Variants in PDE4D observed in about 807,000 individuals in gnomAD.
PDE4D encodes phosphodiesterase 4D, also known as 3',5'-cyclic-AMP phosphodiesterase 4D.
In PDE4D, 24 loss-of-function variants were observed where a neutral mutation model predicts 87.4. The ratio of observed to expected loss-of-function variants is 0.27; its 90% CI spans 0.20 to 0.39. The LOEUF (loss-of-function observed/expected upper bound fraction) is 0.39. Ranked by LOEUF, PDE4D falls within the 10% of genes least tolerant of loss-of-function variation. The probability of loss-of-function intolerance (pLI) is 1.00; values close to 1 mark genes in which losing one functional copy is unlikely to be tolerated. For missense variants in PDE4D, 714 were observed against 1,041.0 expected (o/e 0.69, Z 4.32); for synonymous variants, 384 against 383.2 (o/e 1.00, Z -0.02).
intron 1 of PDE4D, among the ~76,000 whole-genome samples, chr5:59,257,790 G>A (rs1236743033): frequency 6.6e-6 from 1 of 152,004 alleles, no homozygotes. Flanking sequence ...GTAAAGAGAA[G>A]GGATTTACAG....
intron 1 of PDE4D, among the ~76,000 whole-genome samples, chr5:60,398,232 C>T (rs1000655659): frequency 1.3e-5 from 2 of 152,138 alleles, no homozygotes; most frequent in Admixed American, 1.3e-4. Flanking sequence ...TTGAAGAAGG[C>T]CATAGCTGTA....
intron 5 of PDE4D, among the ~76,000 whole-genome samples, chr5:59,138,977 A>G (rs1321062515): frequency 6.6e-6 from 1 of 152,200 alleles, no homozygotes; most frequent in Non-Finnish European, 1.5e-5. Flanking sequence ...TCAAGGGGCA[A>G]GTAGGTACCC....
intron 1 of PDE4D, among the ~76,000 whole-genome samples, chr5:60,422,034 T>A (rs1281165909): frequency 6.6e-6 from 1 of 152,146 alleles, no homozygotes; most frequent in Non-Finnish European, 1.5e-5. Flanking sequence ...CCAAGAAATA[T>A]GGGACTATGT....
intron 1 of PDE4D, among the ~76,000 whole-genome samples, chr5:60,335,468 G>C (rs778854300): frequency 6.6e-6 from 1 of 152,130 alleles, no homozygotes; most frequent in African/African-American, 2.4e-5. Context: ...TGGCTCTTGG[G>C]TCCTTGAGAA....
intron 5 of PDE4D, among the ~76,000 whole-genome samples, chr5:59,141,742 C>T (rs1239641429): frequency 6.6e-6 from 1 of 152,202 alleles, no homozygotes; most frequent in African/African-American, 2.4e-5. Flanking sequence ...TTGTGGACAT[C>T]GGCAGGCAGC....
chr5:60,318,651 C>T (rs1755883528), intron 1 of PDE4D, among the ~76,000 whole-genome samples: 1 of 152,072 alleles, frequency 6.6e-6, no homozygotes, highest in Non-Finnish European at 1.5e-5. Context: ...TTTAGTGCTT[C>T]CTTCAGGAGC....
At chr5:60,118,914 C>T (rs1778414333) in intron 2 of PDE4D, among the ~76,000 whole-genome samples, 1 of 152,072 alleles carries the variant, frequency 6.6e-6, no homozygotes, top group South Asian at 2.1e-4. Flanking sequence ...CTGATACACA[C>T]TAAAGTTGGA....
At chr5:59,099,915 C>T (rs936202846) in intron 5 of PDE4D, among the ~76,000 whole-genome samples, 2 of 152,204 alleles carry the variant, frequency 1.3e-5, no homozygotes, top group Admixed American at 6.5e-5. Context: ...TCCTTCAGCA[C>T]TTTGAGATAC....
chr5:60,137,933 C>A (rs1026800351), intron 2 of PDE4D, among the ~76,000 whole-genome samples: 1 of 151,900 alleles, frequency 6.6e-6, no homozygotes, highest in Admixed American at 6.6e-5. Flanking sequence ...ATATTGAATT[C>A]TTTAATCTAC....
At chr5:59,631,317 C>A (rs1364423315) in intron 1 of PDE4D, among the ~76,000 whole-genome samples, 1 of 152,198 alleles carries the variant, frequency 6.6e-6, no homozygotes, top group Non-Finnish European at 1.5e-5. Context: ...TTAACTATTT[C>A]TTCTCTTATC....
intron 1 of PDE4D, among the ~76,000 whole-genome samples, chr5:59,299,870 G>A (rs181531348): frequency 6.6e-6 from 1 of 152,268 alleles, no homozygotes. Context: ...AGCACTTTGG[G>A]AGGCCGAGGT....
At chr5:59,443,186 T>A (rs952245355) in intron 1 of PDE4D, among the ~76,000 whole-genome samples, 38 of 152,158 alleles carry the variant, frequency 2.5e-4, no homozygotes, top group Admixed American at 1.3e-3. Context: ...GTAAAATCAA[T>A]GCTCGCATGA....
intron 1 of PDE4D, among the ~76,000 whole-genome samples, chr5:59,428,327 A>G (rs535928802): frequency 2.8e-4 from 43 of 151,872 alleles, no homozygotes; most frequent in African/African-American, 1.0e-3. Flanking sequence ...TTTATCTTTT[A>G]TTTTTTGTCC....
chr5:60,466,378 A>C (rs1022072011), intron 1 of PDE4D, among the ~76,000 whole-genome samples: 1 of 152,166 alleles, frequency 6.6e-6, no homozygotes, highest in Non-Finnish European at 1.5e-5. Flanking sequence ...TGATATCACA[A>C]TTGGCATTTC....
chr5:59,960,109 T>C (rs1759302712), intron 3 of PDE4D, among the ~76,000 whole-genome samples: 1 of 152,132 alleles, frequency 6.6e-6, no homozygotes, highest in Admixed American at 6.6e-5. Context: ...TCAATATCAC[T>C]AATCATCAGA....
At position 59,342,447 on chromosome 5, in the gene PDE4D, T is replaced by C. The variant is rs144650131; in HGVS notation, c.456-126479A>G. ...GAGAGAAGACAATTACCTATCTCCT[T>C]TGAACCATAAATTACCATATTTGGA... On this transcript the variant is annotated intron_variant, in intron 1 of 14. Coordinates refer to ENST00000340635, the MANE Select transcript of PDE4D (RefSeq NM_001104631.2). Among the ~76,000 whole-genome samples, 453 of 152,286 alleles carry C rather than the reference T, an allele frequency of 3.0e-3. 3 individuals are homozygous for C. The highest frequency in any genetic ancestry group is 0.01 in the African/African-American group (436 of 41,572).
chr5:60,340,363 G>C (rs935163381), intron 1 of PDE4D, among the ~76,000 whole-genome samples: 2 of 151,890 alleles, frequency 1.3e-5, no homozygotes, highest in African/African-American at 4.8e-5. Flanking sequence ...GGAGTGGATA[G>C]TCTTCTCATC....
Position 59,330,985 on chromosome 5 carries a change from T to C in PDE4D, c.456-115017A>G, listed in dbSNP as rs1776626934. Among the ~76,000 whole-genome samples, 3 of 152,280 alleles carry C rather than the reference T, an allele frequency of 2.0e-5. No homozygotes were observed. In the South Asian group the frequency reaches 6.2e-4, roughly 32 times the overall value. ...TCATCATTTTCTTTCATCAACCGCCTGTCCTTCTGGATCGCCCAGTTTCCA... is the reference window on the plus strand; with the variant it reads ...TCATCATTTTCTTTCATCAACCGCCCGTCCTTCTGGATCGCCCAGTTTCCA... On this transcript the variant is annotated intron_variant, in intron 1 of 14. Coordinates refer to ENST00000340635, the MANE Select transcript of PDE4D (RefSeq NM_001104631.2).
chr5:59,751,678 C>T (rs902027110), intron 1 of PDE4D, among the ~76,000 whole-genome samples: 7 of 151,286 alleles, frequency 4.6e-5, no homozygotes, highest in Admixed American at 2.0e-4. Context: ...CCTTCAAAAT[C>T]TGATTCCAAC....
Sources: gnomAD v4.1 joint callset for allele counts (sites outside exome capture counted in the v4.1 genomes callset) on GRCh38, gnomAD v4.1.1 for gene constraint, MANE v1.5 for transcripts, NCBI Gene and HGNC (gene_info 2026-07-23, HGNC 2026-07-21) for gene names.